The following SLC16A10 variants were observed in gnomAD, a reference collection of about 807,000 sequenced individuals.
SLC16A10 encodes the protein monocarboxylate transporter 10.
SLC16A10 carries 27 observed loss-of-function variants against 40.0 expected under a neutral mutation model. That is an observed-to-expected ratio of 0.67 (90% CI 0.50 to 0.93). SLC16A10 has a LOEUF of 0.93. Among genes scored for constraint, SLC16A10 ranks in the 40% least tolerant of loss-of-function variants. The pLI is 0.00. For missense variants in SLC16A10, 529 were observed against 658.2 expected, an observed-to-expected ratio of 0.80 and a Z score of 2.15; for synonymous variants, 213 against 249.8, an observed-to-expected ratio of 0.85 and a Z score of 1.39.
At chr6:111,207,929 T>G (rs1201046278) in intron 4 of SLC16A10, among the ~76,000 whole-genome samples, 1 of 152,002 alleles carries the variant, frequency 6.6e-6, no homozygotes, top group Non-Finnish European at 1.5e-5. Context: ...ATTAAAGGAT[T>G]TTAAGCCAGA....
At chr6:111,097,459 G>T (rs1185515102) in intron 1 of SLC16A10, among the ~76,000 whole-genome samples, 2 of 151,780 alleles carry the variant, frequency 1.3e-5, no homozygotes, top group Non-Finnish European at 1.5e-5. Context: ...CTACAGGCAC[G>T]CACCACCATG....
chr6:111,212,870 G>A (rs745620746), intron 4 of SLC16A10, among the ~76,000 whole-genome samples: 1 of 151,858 alleles, frequency 6.6e-6, no homozygotes, highest in Non-Finnish European at 1.5e-5. Flanking sequence ...AGTGCATTAC[G>A]TAGAATAATA....
At chr6:111,142,192 A>G (rs1189183817) in intron 1 of SLC16A10, among the ~76,000 whole-genome samples, 1 of 152,246 alleles carries the variant, frequency 6.6e-6, no homozygotes, top group Non-Finnish European at 1.5e-5. Flanking sequence ...ATGGAACAGA[A>G]TAGAGAGCCC....
intron 4 of SLC16A10, among the ~76,000 whole-genome samples, chr6:111,211,960 G>T (rs1412822344): frequency 1.3e-5 from 2 of 152,278 alleles, no homozygotes; most frequent in East Asian, 1.9e-4. Context: ...AGACATACCT[G>T]CTCCCTGCTT....
At chr6:111,171,596 G>T (rs187655887) in intron 1 of SLC16A10, among the ~76,000 whole-genome samples, 1 of 151,892 alleles carries the variant, frequency 6.6e-6, no homozygotes, top group African/African-American at 2.4e-5. Flanking sequence ...GTGGGTGATC[G>T]CTTGAACCTA....
At chr6:111,173,359 A>G (rs984476190) in intron 2 of SLC16A10, 1 of 152,610 alleles carries the variant, frequency 6.6e-6, no homozygotes, top group African/African-American at 2.4e-5. Flanking sequence ...AAAATTTTAA[A>G]ATATCATGGC....
intron 1 of SLC16A10, among the ~76,000 whole-genome samples, chr6:111,100,986 CTCTCTCTATATATATA>C (rs1365485580): frequency 7.8e-5 from 7 of 89,362 alleles, no homozygotes; most frequent in African/African-American, 2.6e-4. Flanking sequence ...CTCTCTCTCT[CTCTCTCTATATATATA>C]TATATATATA....
intron 2 of SLC16A10, among the ~76,000 whole-genome samples, chr6:111,173,041 C>A (rs1277704682): frequency 6.6e-6 from 1 of 152,014 alleles, no homozygotes; most frequent in Non-Finnish European, 1.5e-5. Flanking sequence ...TCTTGTAATG[C>A]CTAAGACTTA....
chr6:111,167,983 A>AC (rs1432641680), intron 1 of SLC16A10, among the ~76,000 whole-genome samples: 2 of 142,224 alleles, frequency 1.4e-5, no homozygotes, highest in Non-Finnish European at 3.0e-5. Flanking sequence ...TCTAGTTTGC[A>AC]CTTTTTTTTT....
At position 111,106,027 on chromosome 6, in the gene SLC16A10, G is replaced by A. The variant is rs561957335; in HGVS notation, c.343+17932G>A. Among the ~76,000 whole-genome samples, 23 of 152,304 alleles carry A rather than the reference G, an allele frequency of 1.5e-4. No homozygotes were observed. In the South Asian group the frequency reaches 4.8e-3, roughly 32 times the overall value. On this transcript the variant is annotated intron_variant, in intron 1 of 5. Transcript: ENST00000368851. ...TCTGTATTAAAGCAAAAGTCAGCATGTAAGGTGGTATTTTGACCACATTTG... is the reference window on the plus strand; with the variant it reads ...TCTGTATTAAAGCAAAAGTCAGCATATAAGGTGGTATTTTGACCACATTTG...
At chr6:111,193,305 G>A (rs1773027329) in intron 3 of SLC16A10, 1 of 985,286 alleles carries the variant, frequency 1.0e-6, no homozygotes, top group African/African-American at 1.8e-5. Context: ...CTCAACATCT[G>A]CTGCAATTTG....
At chr6:111,171,883 A>C (rs1193442941) in intron 1 of SLC16A10, among the ~76,000 whole-genome samples, 1 of 151,902 alleles carries the variant, frequency 6.6e-6, no homozygotes, top group Non-Finnish European at 1.5e-5. Flanking sequence ...TGGACTTAAT[A>C]TGAAACTCAT....
rs1231184199 is a variant in SLC16A10, at chr6:111,087,583, C to T, written c.-170C>T. 3 of 263,430 alleles carry T rather than the reference C, an allele frequency of 1.1e-5. No homozygotes were observed. Among genetic ancestry groups the T allele is most frequent in the Non-Finnish European group, 2.1e-5 (3 of 144,916 alleles). 16.3% of individuals were successfully genotyped at this position (263,430 alleles called of 1,614,324 possible). Reference sequence around the variant, plus strand: ...CGCGCGCGCCAGCTGTCCTCGCGGCCGCCTGCGCGCTGGCCGCCTGCGCGC... The same window carrying T: ...CGCGCGCGCCAGCTGTCCTCGCGGCTGCCTGCGCGCTGGCCGCCTGCGCGC... On this transcript the variant is annotated 5_prime_UTR_variant, in exon 1 of 6. Transcript: ENST00000368851.
At chr6:111,191,008 TC>T (rs199635226) in intron 3 of SLC16A10, among the ~76,000 whole-genome samples, 13 of 152,272 alleles carry the variant, frequency 8.5e-5, no homozygotes, top group Middle Eastern at 3.4e-3. Flanking sequence ...AATGGGTTTT[TC>T]TTTTTCTTCT....
chr6:111,219,416 A>T (rs968788784), intron 5 of SLC16A10, among the ~76,000 whole-genome samples: 3 of 152,006 alleles, frequency 2.0e-5, no homozygotes, highest in African/African-American at 7.2e-5. Context: ...GCAGTCCCAG[A>T]TGCACAGGAG....
At chr6:111,103,406 TG>T (rs915752049) in intron 1 of SLC16A10, among the ~76,000 whole-genome samples, 2 of 152,020 alleles carry the variant, frequency 1.3e-5, no homozygotes, top group Non-Finnish European at 2.9e-5. Context: ...TTAGTAGAAA[TG>T]GGGTTTCACC....
At chr6:111,209,683 A>G (rs763084212) in intron 4 of SLC16A10, among the ~76,000 whole-genome samples, 9 of 152,032 alleles carry the variant, frequency 5.9e-5, no homozygotes, top group Non-Finnish European at 8.8e-5. Context: ...GACTAAGGAG[A>G]TGGAAAGGGA....
At chr6:111,089,924 T>G (rs894299431) in intron 1 of SLC16A10, among the ~76,000 whole-genome samples, 3 of 112,820 alleles carry the variant, frequency 2.7e-5, no homozygotes, top group African/African-American at 1.1e-4. Flanking sequence ...TTTTTTTTTT[T>G]TTTTTTTTTT....
At chr6:111,152,533 A>G (rs941080256) in intron 1 of SLC16A10, among the ~76,000 whole-genome samples, 3 of 152,234 alleles carry the variant, frequency 2.0e-5, no homozygotes, top group South Asian at 2.1e-4. Flanking sequence ...TTGTCACATA[A>G]GAGTTAATTC....
Sources: gnomAD v4.1 joint callset for allele counts (sites outside exome capture counted in the v4.1 genomes callset) on GRCh38, gnomAD v4.1.1 for gene constraint, MANE v1.5 for transcripts, NCBI Gene and HGNC (gene_info 2026-07-23, HGNC 2026-07-21) for gene names.